The following GBF1 variants were observed in gnomAD, a reference collection of about 807,000 sequenced individuals.
The protein encoded by GBF1 is golgi brefeldin A resistant guanine nucleotide exchange factor 1, also known as Golgi-specific brefeldin A-resistance guanine nucleotide exchange factor 1.
In GBF1, 114 loss-of-function variants were observed where a neutral mutation model predicts 210.5. That is an observed-to-expected ratio of 0.54 (90% CI 0.47 to 0.63). The LOEUF is 0.63. Ranked by LOEUF, GBF1 falls within the 30% of genes least tolerant of loss-of-function variation. The pLI, the probability that GBF1 is intolerant of heterozygous loss-of-function variation, is 0.00. For synonymous variants in GBF1, 850 were observed against 889.2 expected (o/e 0.96, Z 0.78); for missense variants, 1,851 against 2,357.7 (o/e 0.79, Z 4.45).
intron 3 of GBF1, among the ~76,000 whole-genome samples, chr10:102,337,192 C>T (rs2057812016): frequency 6.6e-6 from 1 of 151,684 alleles, no homozygotes. Context: ...TCCTGGCTAA[C>T]GCGGCGAAAC....
chr10:102,246,970 G>C (rs1193315276), intron 1 of GBF1, among the ~76,000 whole-genome samples: 1 of 152,196 alleles, frequency 6.6e-6, no homozygotes, highest in Non-Finnish European at 1.5e-5. Flanking sequence ...GCATGTAGTA[G>C]GTTAAGAGCA....
chr10:102,360,839 G>A (rs1002302071), intron 12 of GBF1, among the ~76,000 whole-genome samples, 183 bp from the exon 13 acceptor site: 2 of 152,252 alleles, frequency 1.3e-5, no homozygotes, highest in South Asian at 4.1e-4. Context: ...GCTGGGCATG[G>A]TGACGTGCGC....
chr10:102,339,696 A>G (rs1268827686), intron 3 of GBF1, among the ~76,000 whole-genome samples: 1 of 152,184 alleles, frequency 6.6e-6, no homozygotes, highest in East Asian at 1.9e-4. Flanking sequence ...TATATTTATA[A>G]TAATTAACAC....
the GBF1 span, chr10:102,231,897 C>G: frequency 6.4e-7 from 1 of 1,557,006 alleles, no homozygotes. Flanking sequence ...GCTGCCCAGC[C>G]GGGGTCCCAC....
upstream of GBF1, among the ~76,000 whole-genome samples, chr10:102,244,982 A>G (rs1024777728): frequency 5.9e-5 from 9 of 152,228 alleles, no homozygotes; most frequent in African/African-American, 2.2e-4. Flanking sequence ...AGAAGCCACG[A>G]CAGGGAAGGT....
At chr10:102,358,304 A>T in intron 9 of GBF1, 118 bp downstream of exon 9, 1 of 974,226 alleles carries the variant, frequency 1.0e-6, no homozygotes, top group Non-Finnish European at 1.6e-6. Flanking sequence ...CTGAGAACAA[A>T]AAGGGAAACT....
intron 1 of GBF1, among the ~76,000 whole-genome samples, chr10:102,252,427 C>T (rs540234269): frequency 6.6e-6 from 1 of 152,020 alleles, no homozygotes; most frequent in African/African-American, 2.4e-5. Flanking sequence ...TTCTGACTCC[C>T]TCATTGACTT....
chr10:102,361,543 A>C (rs954062712), intron 13 of GBF1, among the ~76,000 whole-genome samples, 175 bp from the exon 14 acceptor site: 1 of 152,242 alleles, frequency 6.6e-6, no homozygotes, highest in Non-Finnish European at 1.5e-5. Flanking sequence ...TTATCCCCCA[A>C]CATGGAGGCC....
intron 3 of GBF1, among the ~76,000 whole-genome samples, chr10:102,278,247 AC>A (rs2075168187): frequency 2.0e-5 from 3 of 151,960 alleles, no homozygotes; most frequent in Admixed American, 2.0e-4. Context: ...GATTAAGAAA[AC>A]AAACAAAAAA....
At chr10:102,313,674 T>C (rs1471171455) in intron 3 of GBF1, among the ~76,000 whole-genome samples, 1 of 152,200 alleles carries the variant, frequency 6.6e-6, no homozygotes, top group Non-Finnish European at 1.5e-5. Flanking sequence ...CAGATTAATA[T>C]TAATCCCCTT....
At chr10:102,244,140 CAAACA>C (rs1050005448), upstream of GBF1, among the ~76,000 whole-genome samples, 3 of 152,106 alleles carry the variant, frequency 2.0e-5, no homozygotes, top group East Asian at 1.9e-4. Flanking sequence ...AACAAACAAA[CAAACA>C]AAAGACAAAA....
intron 3 of GBF1, among the ~76,000 whole-genome samples, chr10:102,260,668 G>A (rs564015997): frequency 2.4e-4 from 37 of 151,674 alleles, no homozygotes; most frequent in African/African-American, 8.2e-4. Context: ...AGTAGAGACG[G>A]GGTTTCACCA....
intron 13 of GBF1, 155 bp downstream of exon 13, chr10:102,361,275 G>C: frequency 1.7e-6 from 1 of 604,480 alleles, no homozygotes. Flanking sequence ...CAATCAACTG[G>C]CCTCTTTTGT....
chr10:102,368,388 C>T lies in GBF1; in HGVS notation c.2813C>T (p.Ala938Val), dbSNP rs1371308005. 6.2e-7 allele frequency: 1 copy of T among 1,613,936 alleles called. No homozygotes were observed. ...FTMTWGPTIA[A>V]LSYVFDKSLE... ...ATGACCTGGGGCCCCACTATTGCTG[C>T]TCTCTCTTATGTCTTTGACAAAAGC... Residue 938 changes from alanine (A) to valine (V), a missense_variant, in exon 22 of 40, where the codon GCT becomes GTT. Coordinates refer to ENST00000369983, the MANE Select transcript of GBF1 (RefSeq NM_001377137.1).
chr10:102,375,502 C>T lies in GBF1; in HGVS notation c.3804C>T (p.Phe1268=). 1 of 1,614,064 alleles carries T rather than the reference C, an allele frequency of 6.2e-7. No homozygotes were observed. Among genetic ancestry groups the T allele is most frequent in the Non-Finnish European group, 8.5e-7 (1 of 1,179,874 alleles). The change falls in exon 30 of 40, where the codon TTC becomes TTT. Residue 1268 remains phenylalanine, a synonymous_variant. Coordinates refer to ENST00000369983, the MANE Select transcript of GBF1 (RefSeq NM_001377137.1). ...CAGGTGATGACTGGGCCACACTCTTCACACTGCTGGAGTGCATCGGCTCAG... is the reference window on the plus strand; with the variant it reads ...CAGGTGATGACTGGGCCACACTCTTTACACTGCTGGAGTGCATCGGCTCAG... The part of the protein sequence containing the change: ...IHSGDDWATL[F]TLLECIGSGV...
the GBF1 span, among the ~76,000 whole-genome samples, chr10:102,235,083 G>A: frequency 6.6e-6 from 1 of 152,008 alleles, no homozygotes; most frequent in Non-Finnish European, 1.5e-5. Flanking sequence ...CATCCAGGCA[G>A]ACAGACACGT....
At chr10:102,352,071 C>T (rs2059018514) in intron 6 of GBF1, 120 bp downstream of exon 6, 2 of 693,250 alleles carry the variant, frequency 2.9e-6, no homozygotes, top group African/African-American at 1.8e-5. Flanking sequence ...CTATCTCATG[C>T]GATCATAGGG....
At position 102,381,392 on chromosome 10, in the gene GBF1, C is replaced by T. The variant is rs957501504; in HGVS notation, c.5302+137C>T. 3.8e-5 allele frequency: 30 copies of T among 790,690 alleles called. 2 individuals are homozygous for T. Among genetic ancestry groups the T allele is most frequent in the South Asian group, 7.0e-5 (4 of 57,222 alleles). 49.0% of individuals were successfully genotyped at this position (790,690 alleles called of 1,614,324 possible). A position where few individuals can be genotyped will look rare whatever the true frequency, so the allele number is the denominator to read the frequency against. On this transcript the variant is annotated intron_variant, in intron 39 of 39. Transcript: ENST00000369983. ...GAAGGCCACTAGAGAGAACTGTTGC[C>T]GCTCTTCCCATGGGAAATGACAGGA...
At chr10:102,371,878 G>C (rs1471947985) in intron 29 of GBF1, among the ~76,000 whole-genome samples, 2 of 150,482 alleles carry the variant, frequency 1.3e-5, no homozygotes, top group Admixed American at 1.3e-4. Context: ...AGTGAGCTGA[G>C]ATCGCGCCAC....
Sources: allele counts gnomAD v4.1 joint callset (sites outside exome capture counted in the v4.1 genomes callset), GRCh38; gene constraint gnomAD v4.1.1; transcripts MANE v1.5; gene names NCBI Gene and HGNC (gene_info 2026-07-23, HGNC 2026-07-21).